The following DNAH7 variants were observed in gnomAD, a reference collection of about 807,000 sequenced individuals.
DNAH7 encodes the protein dynein axonemal heavy chain 7, also known as axonemal beta dynein heavy chain 7.
In DNAH7, 397 loss-of-function variants were observed where a neutral mutation model predicts 444.6. That is an observed-to-expected ratio of 0.89 (90% CI 0.82 to 0.97). The LOEUF is 0.97. Among genes scored for constraint, DNAH7 ranks in the 50% least tolerant of loss-of-function variants. The probability of loss-of-function intolerance (pLI) is 0.00; values close to 1 mark genes in which losing one functional copy is unlikely to be tolerated. For missense variants in DNAH7, 4,902 were observed against 4,800.8 expected (o/e 1.02, Z -0.62); for synonymous variants, 1,636 against 1,624.4 (o/e 1.01, Z -0.17).
At chr2:195,872,778 C>T (rs1046035067) in intron 39 of DNAH7, among the ~76,000 whole-genome samples, 1 of 152,052 alleles carries the variant, frequency 6.6e-6, no homozygotes, top group African/African-American at 2.4e-5. Flanking sequence ...ATTATGTAAT[C>T]CCAAATCCAC....
rs1338902108 is a variant in DNAH7, at chr2:196,000,870, G to T, written c.1187C>A (p.Ala396Asp). Residue 396 changes from alanine (A) to aspartate (D), a missense_variant, in exon 12 of 65, where the codon GCT becomes GAT. Physicochemically the swap from Ala to Asp is moderately radical, Grantham distance 126. Coordinates refer to ENST00000312428, the MANE Select transcript of DNAH7 (RefSeq NM_018897.3). ...CATGATGAAACCTGGATGTTCAAAAGCTCTAACAGAATCCTGCAAAAAATT... is the reference window on the plus strand; with the variant it reads ...CATGATGAAACCTGGATGTTCAAAATCTCTAACAGAATCCTGCAAAAAATT... The part of the protein sequence containing the change: ...LIAQPPDSVR[A>D]FEHPGFIMRL... 3 of 1,567,580 alleles carry T rather than the reference G, an allele frequency of 1.9e-6. No homozygotes were observed. The highest frequency in any genetic ancestry group is 4.5e-5 in the East Asian group (2 of 44,168).
chr2:195,936,793 C>A lies in DNAH7; in HGVS notation c.3079-1G>T. 6.7e-7 allele frequency: 1 copy of A among 1,483,756 alleles called. No homozygotes were observed. The highest frequency in any genetic ancestry group is 8.9e-7 in the Non-Finnish European group (1 of 1,119,730). 91.9% of individuals were successfully genotyped at this position (1,483,756 alleles called of 1,614,324 possible). Reference sequence around the variant, plus strand: ...TTACAACTGTCAGAACATGTTTATCCTAAAAATAAAAATAAAAAACACTCA... The same window carrying A: ...TTACAACTGTCAGAACATGTTTATCATAAAAATAAAAATAAAAAACACTCA... On this transcript the variant is annotated splice_acceptor_variant, in intron 19 of 64. Coordinates refer to ENST00000312428, the MANE Select transcript of DNAH7 (RefSeq NM_018897.3). LOFTEE classifies it high-confidence loss of function.
intron 30 of DNAH7, chr2:195,894,298 G>C (rs1574692772): frequency 1.3e-5 from 2 of 152,078 alleles, no homozygotes. Flanking sequence ...ATTGAAATTA[G>C]ACAAAGTAGA....
chr2:196,013,705 A>C (rs1239406331), intron 9 of DNAH7, among the ~76,000 whole-genome samples: 1 of 152,228 alleles, frequency 6.6e-6, no homozygotes, highest in East Asian at 1.9e-4. Flanking sequence ...CAAAGTACGT[A>C]TAACCACTGC....
intron 40 of DNAH7, among the ~76,000 whole-genome samples, chr2:195,870,921 C>T (rs1285829694): frequency 6.6e-6 from 1 of 152,190 alleles, no homozygotes; most frequent in Non-Finnish European, 1.5e-5. Flanking sequence ...TCAGCATCAT[C>T]CTCCCTGTTC....
At chr2:195,820,452 T>TA (rs1697407659) in intron 49 of DNAH7, among the ~76,000 whole-genome samples, 1 of 149,954 alleles carries the variant, frequency 6.7e-6, no homozygotes, top group African/African-American at 2.5e-5. Flanking sequence ...TCCCAGAACT[T>TA]AAAGTAAAAT....
At chr2:195,854,466 T>C (rs1236289758) in intron 45 of DNAH7, among the ~76,000 whole-genome samples, 2 of 152,188 alleles carry the variant, frequency 1.3e-5, no homozygotes, top group Admixed American at 6.5e-5. Context: ...TATCTAAAGA[T>C]AGATTTGAAA....
At chr2:195,865,090 T>C in intron 40 of DNAH7, 69 bp from the exon 41 acceptor site, 2 of 1,440,658 alleles carry the variant, frequency 1.4e-6, no homozygotes, top group Non-Finnish European at 1.8e-6. Context: ...ATTATATCTG[T>C]GCTAATCTCA....
At chr2:195,837,789 G>C (rs1698453496) in intron 47 of DNAH7, among the ~76,000 whole-genome samples, 1 of 152,072 alleles carries the variant, frequency 6.6e-6, no homozygotes, top group African/African-American at 2.4e-5. Flanking sequence ...TCTCTGGACA[G>C]AAGTAAAAAA....
At chr2:195,946,791 T>C (rs1235351186) in intron 19 of DNAH7, among the ~76,000 whole-genome samples, 1 of 152,000 alleles carries the variant, frequency 6.6e-6, no homozygotes, top group African/African-American at 2.4e-5. Flanking sequence ...AGGAGAGAAG[T>C]AGAGTGGGAG....
intron 10 of DNAH7, among the ~76,000 whole-genome samples, chr2:196,011,506 G>A (rs771553350): frequency 1.3e-5 from 2 of 152,064 alleles, no homozygotes; most frequent in African/African-American, 4.8e-5. Flanking sequence ...ACAGAAAAGC[G>A]GGTTTCCAGA....
At chr2:195,829,873 T>C (rs1055902745) in intron 48 of DNAH7, among the ~76,000 whole-genome samples, 1 of 152,090 alleles carries the variant, frequency 6.6e-6, no homozygotes, top group African/African-American at 2.4e-5. Context: ...ATATTTGTAG[T>C]GTCTTGATTT....
chr2:195,814,686 ATTAT>A (rs1697141281), intron 51 of DNAH7, among the ~76,000 whole-genome samples: 2 of 152,192 alleles, frequency 1.3e-5, no homozygotes, highest in South Asian at 4.1e-4. Context: ...AAAGCAGAGC[ATTAT>A]TTATTGTGTG....
At chr2:195,959,597 C>G (rs755639540) in intron 18 of DNAH7, among the ~76,000 whole-genome samples, 11 of 152,208 alleles carry the variant, frequency 7.2e-5, no homozygotes, top group Non-Finnish European at 1.3e-4. Context: ...TTAGCATTCC[C>G]TTGCCATGCA....
At chr2:195,993,941 T>C (rs10189449) in intron 12 of DNAH7, among the ~76,000 whole-genome samples, 57,652 of 152,026 alleles carry the variant, frequency 0.38, 12,752 homozygotes, top group African/African-American at 0.62. Flanking sequence ...GAAGAAGGAA[T>C]GGAGGAAGAA....
At chr2:195,873,531 C>T in intron 39 of DNAH7, 37 bp downstream of exon 39, 13 of 1,162,840 alleles carry the variant, frequency 1.1e-5, no homozygotes, top group South Asian at 4.9e-5. Flanking sequence ...TATTTTATAC[C>T]TCCTAATTAA....
intron 47 of DNAH7, among the ~76,000 whole-genome samples, chr2:195,837,637 C>T (rs1405608100): frequency 6.6e-6 from 1 of 151,976 alleles, no homozygotes; most frequent in East Asian, 1.9e-4. Context: ...GGCATAAATC[C>T]ATGTTTTATT....
intron 22 of DNAH7, among the ~76,000 whole-genome samples, chr2:195,926,090 T>C (rs1189794791): frequency 6.6e-6 from 1 of 152,146 alleles, no homozygotes; most frequent in Non-Finnish European, 1.5e-5. Context: ...TGTTACTTTA[T>C]TTCCTGCTAA....
At chr2:195,740,282 G>C (rs183119722) in intron 64 of DNAH7, among the ~76,000 whole-genome samples, 84 of 152,268 alleles carry the variant, frequency 5.5e-4, no homozygotes, top group African/African-American at 1.9e-3. Flanking sequence ...ACTGCGCCCA[G>C]CCAGTGCTAA....
Sources: gnomAD v4.1 joint callset for allele counts (sites outside exome capture counted in the v4.1 genomes callset) on GRCh38, gnomAD v4.1.1 for gene constraint, MANE v1.5 for transcripts, NCBI Gene and HGNC (gene_info 2026-07-23, HGNC 2026-07-21) for gene names.